The following PDGFRA variants were observed in gnomAD, a reference collection of about 807,000 sequenced individuals.
The protein encoded by PDGFRA is platelet derived growth factor receptor alpha.
PDGFRA carries 25 observed loss-of-function variants against 121.5 expected under a neutral mutation model. The observed-to-expected ratio is 0.21, with a 90% CI of 0.15 to 0.29. The LOEUF (loss-of-function observed/expected upper bound fraction) is 0.29. PDGFRA is among the 10% of genes least tolerant of loss of function. The pLI is 1.00. For missense variants in PDGFRA, 1,008 were observed against 1,345.1 expected, an observed-to-expected ratio of 0.75 and a Z score of 3.92; for synonymous variants, 463 against 494.8, an observed-to-expected ratio of 0.94 and a Z score of 0.85.
intron 8 of PDGFRA, among the ~76,000 whole-genome samples, chr4:54,271,962 TCCCCTCCCCCCTCCCC>T (rs1392731762): frequency 4.7e-3 from 14 of 3,006 alleles, no homozygotes; most frequent in African/African-American, 6.2e-3. Flanking sequence ...CATTCTCCCC[TCCCCTCCCCCCTCCCC>T]TCCCCCTCCC....
rs1454468614 is a variant in PDGFRA at position 54,267,610 on chromosome 4, T to G, written c.990T>G (p.His330Gln). The part of the protein sequence containing the change: ...TFSQLEAVNL[H>Q]EVKHFVVEVR... ...GCCAGTTGGAAGCTGTCAACCTGCA[T>G]GAAGTCAAACATTTTGTTGTAGAGG... Residue 330 changes from histidine to glutamine, a missense_variant, in exon 7 of 23, where the codon CAT (histidine) becomes CAG (glutamine). Physicochemically the swap from His to Gln is conservative, Grantham distance 24. Transcript: ENST00000257290. 1 of 1,614,222 alleles carries G rather than the reference T, an allele frequency of 6.2e-7. No individual in the cohort carries two copies. Among genetic ancestry groups the G allele is most frequent in the Non-Finnish European group, 8.5e-7 (1 of 1,180,044 alleles).
chr4:54,286,918 C>G (rs1411911935), intron 18 of PDGFRA, among the ~76,000 whole-genome samples: 1 of 152,182 alleles, frequency 6.6e-6, no homozygotes, highest in Non-Finnish European at 1.5e-5. Context: ...TATATCTGCT[C>G]CCTGTAGGTA....
Position 54,285,407 on chromosome 4 carries a change from C to T in PDGFRA, c.2360C>T (p.Ser787Leu), listed in dbSNP as rs2110335600. The part of the protein sequence containing the change: ...EVKNLLSDDN[S>L]EGLTLLDLLS... The stretch of plus-strand genomic sequence containing the variant: ...AAAAACCTCCTTTCAGATGATAACT[C>T]AGAAGGCCTTACTTTATTGGATTTG... The change falls in exon 17 of 23, where the codon TCA becomes TTA. Residue 787 changes from serine (S) to leucine (L), a missense_variant. Ser to Leu is a moderately radical substitution (Grantham distance 145, BLOSUM62 -2). This residue lies in a region of PDGFRA where 128 missense variants were observed against 147.6 expected (regional missense o/e 0.87). Transcript: ENST00000257290. 6.4e-7 allele frequency: 1 copy of T among 1,558,546 alleles called. No individual in the cohort carries two copies. Among genetic ancestry groups the T allele is most frequent in the Non-Finnish European group, 8.9e-7 (1 of 1,129,410 alleles).
intron 2 of PDGFRA, 56 bp from the exon 3 acceptor site, chr4:54,261,039 G>T (rs909797153): frequency 6.7e-7 from 1 of 1,481,652 alleles, no homozygotes; most frequent in South Asian, 1.1e-5. Flanking sequence ...CTCAGTTGTC[G>T]GGATGAGACT....
chr4:54,247,088 A>T (rs1485047960), intron 1 of PDGFRA, among the ~76,000 whole-genome samples: 1 of 152,168 alleles, frequency 6.6e-6, no homozygotes, highest in Non-Finnish European at 1.5e-5. Flanking sequence ...TAGCTTACCA[A>T]CCAAAAAGAG....
chr4:54,261,293 C>T lies in PDGFRA; in HGVS notation c.248C>T (p.Thr83Met), dbSNP rs779332376. The change falls in exon 3 of 23, where the codon ACG becomes ATG. Residue 83 changes from threonine to methionine, a missense_variant. Thr to Met is a moderately conservative substitution (Grantham distance 81). Transcript: ENST00000257290. ...NEENNSGLFV[T>M]VLEVSSASAA... Reference sequence around the variant, plus strand: ...GAAAACAACAGCGGCCTTTTTGTGACGGTCTTGGAAGTGAGCAGTGCCTCG... The same window carrying T: ...GAAAACAACAGCGGCCTTTTTGTGATGGTCTTGGAAGTGAGCAGTGCCTCG... 3.7e-5 allele frequency: 59 copies of T among 1,613,940 alleles called. No individual in the cohort carries two copies. Among genetic ancestry groups the T allele is most frequent in the African/African-American group, 2.1e-4 (16 of 74,882 alleles).
intron 11 of PDGFRA, 95 bp from the exon 12 acceptor site, chr4:54,274,746 G>T (rs2110298255): frequency 6.7e-7 from 1 of 1,495,930 alleles, no homozygotes; most frequent in Admixed American, 1.7e-5. Flanking sequence ...AACGTTGTTG[G>T]ACTCTACTGT....
chr4:54,261,696 A>G (rs931299176), intron 3 of PDGFRA, among the ~76,000 whole-genome samples: 1 of 151,694 alleles, frequency 6.6e-6, no homozygotes, highest in African/African-American at 2.4e-5. Context: ...AGTTCATTCA[A>G]GTTGCACACA....
In PDGFRA at chr4:54,290,213, G is replaced by A. The variant is rs4864506; in HGVS notation, c.2881-100G>A. 963,526 of 974,312 alleles carry A rather than the reference G, an allele frequency of 0.99. 477,020 individuals are homozygous for A. Among genetic ancestry groups the A allele is most frequent in the East Asian group, 1 (41,400 of 41,404 alleles). 60.4% of individuals were successfully genotyped at this position (974,312 alleles called of 1,614,324 possible). ...TCCCACATCTTCCAGGTAGTTTGGA[G>A]ATATGTACAGTTAAATAATAGTAAG... On this transcript the variant is annotated intron_variant, in intron 21 of 22. Coordinates refer to ENST00000257290, the MANE Select transcript of PDGFRA (RefSeq NM_006206.6).
chr4:54,232,030 A>G (rs1422865890), intron 1 of PDGFRA, among the ~76,000 whole-genome samples: 3 of 152,148 alleles, frequency 2.0e-5, no homozygotes, highest in Non-Finnish European at 4.4e-5. Flanking sequence ...CGTTTTGGGG[A>G]CGTGGTGGCC....
At chr4:54,277,349 C>A (rs1363204902) in intron 12 of PDGFRA, 39 bp from the exon 13 acceptor site, 1 of 1,410,324 alleles carries the variant, frequency 7.1e-7, no homozygotes, top group Non-Finnish European at 1.0e-6. Flanking sequence ...GAGGAGGCGT[C>A]TGGAGTTTTT....
chr4:54,272,570 C>T, intron 9 of PDGFRA, 50 bp downstream of exon 9: 1 of 1,594,504 alleles, frequency 6.3e-7, no homozygotes, highest in Non-Finnish European at 8.6e-7. Flanking sequence ...ATATTTCTCC[C>T]TTGACACAAA....
chr4:54,255,642 A>T (rs1577697422), intron 1 of PDGFRA, among the ~76,000 whole-genome samples: 1 of 151,140 alleles, frequency 6.6e-6, no homozygotes, highest in East Asian at 2.0e-4. Context: ...AGTAGCGGGG[A>T]CTACAGGTGC....
chr4:54,251,204 G>T (rs1408222906), intron 1 of PDGFRA, among the ~76,000 whole-genome samples: 1 of 151,930 alleles, frequency 6.6e-6, no homozygotes, highest in Non-Finnish European at 1.5e-5. Context: ...CAAAACAAGA[G>T]TTAACAGCAT....
At position 54,295,357 on chromosome 4, in the gene PDGFRA, G is replaced by A; in HGVS notation, c.*85G>A. 1 of 1,327,238 alleles carries A rather than the reference G, an allele frequency of 7.5e-7. No homozygotes were observed. Among genetic ancestry groups the A allele is most frequent in the Non-Finnish European group, 1.1e-6 (1 of 924,288 alleles). The allele number at this position is 1,327,238 out of a possible 1,614,324, so 82.2% of individuals were successfully genotyped here. ...ACCACTTTATTGCAATGCAGAGGTT[G>A]AGAGGAGGACTTGGTTGATGTTTAA... On this transcript the variant is annotated 3_prime_UTR_variant, in exon 23 of 23. Coordinates refer to ENST00000257290, the MANE Select transcript of PDGFRA (RefSeq NM_006206.6).
intron 1 of PDGFRA, among the ~76,000 whole-genome samples, chr4:54,258,444 G>A (rs1223617015): frequency 6.6e-6 from 1 of 151,978 alleles, no homozygotes; most frequent in Non-Finnish European, 1.5e-5. Context: ...TGGAAGCTGA[G>A]AAAAAATATA....
chr4:54,278,254 C>CGT lies in PDGFRA; in HGVS notation c.2003-108_2003-107insGT, dbSNP rs1279098111. ...AAAAAAAAAAAAAAAAAAAAAAAAA[C>CGT]TTTTTTGGTATCTTATTTTTTTCTG... On this transcript the variant is annotated intron_variant, in intron 14 of 22. Transcript: ENST00000257290. 177 of 566,076 alleles carry CGT rather than the reference C, an allele frequency of 3.1e-4. 6 individuals carry two copies. Among genetic ancestry groups the CGT allele is most frequent in the Admixed American group, 1.0e-3 (31 of 29,702 alleles). The allele number at this position is 566,076 out of a possible 1,614,324, so 35.1% of individuals were successfully genotyped here.
At chr4:54,281,783 A>AG in intron 16 of PDGFRA, 1 of 1,325,576 alleles carries the variant, frequency 7.5e-7, no homozygotes. Context: ...CTTCCTCGAA[A>AG]ACCCTGGGAC....
At position 54,233,178 on chromosome 4, in the gene PDGFRA, C is replaced by T. The variant is rs190748870; in HGVS notation, c.-13+3763C>T. On this transcript the variant is annotated intron_variant, in intron 1 of 22. Transcript: ENST00000257290. Reference sequence around the variant, plus strand: ...CAGCTCTGAGGTTCAGAGCGCGGCGCGCAGGGGCGCAGGGGCGCAGGTCCC... The same window carrying T: ...CAGCTCTGAGGTTCAGAGCGCGGCGTGCAGGGGCGCAGGGGCGCAGGTCCC... 6.1e-3 allele frequency among the ~76,000 whole-genome samples: 931 copies of T among 151,920 alleles called. 7 individuals are homozygous for T. The highest frequency in any genetic ancestry group is 0.02 in the African/African-American group (829 of 41,416).
Sources: allele counts gnomAD v4.1 joint callset (sites outside exome capture counted in the v4.1 genomes callset), GRCh38; gene constraint gnomAD v4.1.1; regional missense constraint gnomAD v4.1.1; transcripts MANE v1.5; gene names NCBI Gene and HGNC (gene_info 2026-07-23, HGNC 2026-07-21).